Variants in SASH1 observed in about 807,000 individuals in gnomAD.
SASH1 encodes SAM and SH3 domain containing 1.
SASH1 carries 44 observed loss-of-function variants against 125.2 expected under a neutral mutation model. The observed-to-expected ratio is 0.35, with a 90% confidence interval of 0.28 to 0.45. The LOEUF (loss-of-function observed/expected upper bound fraction) is 0.45, where lower values mean the gene tolerates loss of function less well. SASH1 is among the 20% of genes least tolerant of loss of function. The pLI is 1.00. For synonymous variants in SASH1, 639 were observed against 649.1 expected (o/e 0.98, Z 0.24); for missense variants, 1,426 against 1,614.5 (o/e 0.88, Z 2.00).
At chr6:148,296,634 C>T (rs926565309) in intron 1 of SASH1, among the ~76,000 whole-genome samples, 6 of 152,168 alleles carry the variant, frequency 3.9e-5, no homozygotes, top group African/African-American at 9.7e-5. Flanking sequence ...TGGTTCTAAA[C>T]GCTGCTCTGT....
intron 10 of SASH1, chr6:148,520,328 C>T (rs894690194): frequency 3.4e-5 from 6 of 175,710 alleles, no homozygotes; most frequent in African/African-American, 1.4e-4. Context: ...GGAAGTGGGC[C>T]GCCACGGTCG....
At chr6:148,348,902 T>G (rs115212983) in intron 1 of SASH1, among the ~76,000 whole-genome samples, 4 of 152,372 alleles carry the variant, frequency 2.6e-5, no homozygotes, top group African/African-American at 9.6e-5. Flanking sequence ...CACAGGGCAG[T>G]GGGCAGAGCG....
At chr6:148,243,651 CAAAAAAAAAAA>C in the SASH1 span, among the ~76,000 whole-genome samples, 23 of 70,320 alleles carry the variant, frequency 3.3e-4, no homozygotes, top group African/African-American at 6.5e-4. Context: ...AACTGTGTCT[CAAAAAAAAAAA>C]AAAAAAAAAA....
intron 1 of SASH1, among the ~76,000 whole-genome samples, chr6:148,314,636 T>C (rs1780430890): frequency 1.3e-5 from 2 of 152,220 alleles, no homozygotes; most frequent in South Asian, 4.1e-4. Context: ...TCTTTGTATT[T>C]TCTTTCTTGC....
intron 1 of SASH1, among the ~76,000 whole-genome samples, chr6:148,387,679 T>TCTTTCTTC (rs1562371730): frequency 8.2e-6 from 1 of 121,608 alleles, no homozygotes; most frequent in East Asian, 2.2e-4. Flanking sequence ...TTTCTTTCTT[T>TCTTTCTTC]CTTTCTTTCT....
chr6:148,333,173 A>C (rs2114606536), intron 1 of SASH1, among the ~76,000 whole-genome samples: 1 of 151,958 alleles, frequency 6.6e-6, no homozygotes, highest in African/African-American at 2.4e-5. Flanking sequence ...TAAAAAACAG[A>C]TTGCTTGCTT....
intron 8 of SASH1, chr6:148,508,599 T>A: frequency 8.8e-7 from 1 of 1,139,826 alleles, no homozygotes; most frequent in Non-Finnish European, 1.1e-6. Flanking sequence ...TTCTTGCGAG[T>A]TATGCAGTTA....
chr6:148,471,075 G>A (rs935552568), intron 5 of SASH1, among the ~76,000 whole-genome samples: 1 of 151,834 alleles, frequency 6.6e-6, no homozygotes, highest in Non-Finnish European at 1.5e-5. Context: ...AAGACCAAAG[G>A]GGGGAAATAT....
At chr6:148,528,794 A>T (rs73015052) in intron 12 of SASH1, among the ~76,000 whole-genome samples, 11,446 of 152,246 alleles carry the variant, frequency 0.075, 538 homozygotes, top group Non-Finnish European at 0.1. Flanking sequence ...AGGATGATTC[A>T]CATGCATTAC....
chr6:148,228,687 C>G, the SASH1 span, among the ~76,000 whole-genome samples: 13 of 152,182 alleles, frequency 8.5e-5, no homozygotes, highest in Non-Finnish European at 1.6e-4. Context: ...GCGTTTTATG[C>G]TCCACCAGCA....
rs369192593 is a variant in SASH1 at position 148,519,763 on chromosome 6, G to A, written c.1079G>A (p.Arg360Gln). Residue 360 changes from arginine to glutamine, a missense_variant, in exon 10 of 20, where the codon CGG (arginine) becomes CAG (glutamine). Transcript: ENST00000367467. This position sits in a 1 kb window ranked among gnomAD's most constrained non-coding sequence, Gnocchi z 4.8. ...LVKTFSKGES[R>Q]GLIKPPKKMG... The stretch of plus-strand genomic sequence containing the variant: ...AAAACCTTCAGCAAAGGAGAGAGCC[G>A]GGGCCTGATTAAGCCCCCCAAGAAG... The A allele has an allele frequency of 2.8e-5, 45 of 1,613,996 alleles. 1 individual carries two copies. Among genetic ancestry groups the A allele is most frequent in the South Asian group, 5.5e-5 (5 of 91,078 alleles).
the SASH1 span, among the ~76,000 whole-genome samples, chr6:148,198,245 T>G: frequency 6.6e-6 from 1 of 152,234 alleles, no homozygotes; most frequent in Non-Finnish European, 1.5e-5. Flanking sequence ...CCGCCATGAT[T>G]GTAAGTTTCC....
chr6:148,378,417 C>T (rs927574732), intron 1 of SASH1, among the ~76,000 whole-genome samples: 10 of 151,804 alleles, frequency 6.6e-5, no homozygotes, highest in South Asian at 2.1e-4. Flanking sequence ...TGCAGTGGCA[C>T]GATGTTGGCT....
chr6:148,527,634 C>T, intron 12 of SASH1, 38 bp downstream of exon 12: 2 of 1,576,866 alleles, frequency 1.3e-6, no homozygotes, highest in Non-Finnish European at 1.7e-6. Flanking sequence ...CTTGGTTCTT[C>T]CTGACAAGAA....
the SASH1 span, among the ~76,000 whole-genome samples, chr6:148,202,289 G>A: frequency 1.3e-5 from 2 of 152,198 alleles, no homozygotes; most frequent in Non-Finnish European, 2.9e-5. Flanking sequence ...TTGCCTGCAA[G>A]GACAGAACTT....
At chr6:148,536,426 G>A (rs1167341405) in intron 16 of SASH1, among the ~76,000 whole-genome samples, 5 of 152,120 alleles carry the variant, frequency 3.3e-5, no homozygotes, top group Admixed American at 6.5e-5. Context: ...CGCAACCTCC[G>A]CCTCCCGGGT....
chr6:148,424,024 A>G (rs1212366201), intron 2 of SASH1, among the ~76,000 whole-genome samples: 11 of 151,700 alleles, frequency 7.3e-5, no homozygotes. Context: ...AAAAAAAAAA[A>G]TCCCCATCCC....
chr6:148,503,675 C>A (rs550057140), intron 8 of SASH1, among the ~76,000 whole-genome samples: 1 of 151,022 alleles, frequency 6.6e-6, no homozygotes, highest in Non-Finnish European at 1.5e-5. Flanking sequence ...TTAGACTGTG[C>A]GTGTGCATTT....
At chr6:148,380,235 C>A (rs557302394) in intron 1 of SASH1, among the ~76,000 whole-genome samples, 1 of 152,122 alleles carries the variant, frequency 6.6e-6, no homozygotes, top group African/African-American at 2.4e-5. Flanking sequence ...ACGGTCACAC[C>A]GCGAGGCTCT....
Sources: allele counts gnomAD v4.1 joint callset (sites outside exome capture counted in the v4.1 genomes callset), GRCh38; gene constraint gnomAD v4.1.1; non-coding constraint Gnocchi (gnomAD v3.1); transcripts MANE v1.5; gene names NCBI Gene and HGNC (gene_info 2026-07-23, HGNC 2026-07-21).